DDX42: variants seen among roughly 807,000 people sequenced by gnomAD.
The protein encoded by DDX42 is ATP-dependent RNA helicase DDX42.
A neutral mutation model predicts 101.5 loss-of-function variants in DDX42; 22 were observed. That is an observed-to-expected ratio of 0.22 (90% CI 0.15 to 0.31). The LOEUF (loss-of-function observed/expected upper bound fraction) is 0.31. Among genes scored for constraint, DDX42 ranks in the 10% least tolerant of loss-of-function variants. The pLI, the probability that DDX42 is intolerant of heterozygous loss-of-function variation, is 1.00. For missense variants in DDX42, 849 were observed against 1,199.9 expected, an observed-to-expected ratio of 0.71 and a Z score of 4.32; for synonymous variants, 402 against 401.2, an observed-to-expected ratio of 1.00 and a Z score of -0.02.
intron 1 of DDX42, among the ~76,000 whole-genome samples, chr17:63,784,196 C>T (rs1224572281): frequency 6.6e-6 from 1 of 152,172 alleles, no homozygotes; most frequent in African/African-American, 2.4e-5. Flanking sequence ...TTTCTGATCT[C>T]TTCGACAATG....
chr17:63,809,511 C>T, intron 10 of DDX42, 49 bp from the exon 11 acceptor site: 8 of 1,493,784 alleles, frequency 5.4e-6, no homozygotes, highest in Non-Finnish European at 7.5e-6. Context: ...TAGAAAGTCC[C>T]TGTGAATGCC....
intron 1 of DDX42, among the ~76,000 whole-genome samples, chr17:63,782,203 A>T (rs1567728906): frequency 6.6e-6 from 1 of 151,860 alleles, no homozygotes; most frequent in Non-Finnish European, 1.5e-5. Context: ...GCTTGAACTC[A>T]GGAGGCGGAG....
At chr17:63,778,343 C>T (rs565995088) in intron 1 of DDX42, among the ~76,000 whole-genome samples, 47 of 152,352 alleles carry the variant, frequency 3.1e-4, no homozygotes, top group Non-Finnish European at 3.8e-4. Context: ...ATTCTTGGGA[C>T]AGTAGTCAGG....
intron 2 of DDX42, among the ~76,000 whole-genome samples, chr17:63,789,727 C>T (rs144084859): frequency 0.017 from 2,526 of 151,776 alleles, 65 homozygotes; most frequent in African/African-American, 0.059. Context: ...ACATGTGCCA[C>T]CACGCCTGGC....
In DDX42 at chr17:63,777,310, A is replaced by G. The variant is rs558267671; in HGVS notation, c.-17+2934A>G. On this transcript the variant is annotated intron_variant, in intron 1 of 17. Coordinates refer to ENST00000389924, the MANE Select transcript of DDX42 (RefSeq NM_203499.3). ...GTAGATCTCCTTTAGTCTTTTACATATTGAATAAATGAGTATCTAATATTG... is the reference window on the plus strand; with the variant it reads ...GTAGATCTCCTTTAGTCTTTTACATGTTGAATAAATGAGTATCTAATATTG... Among the ~76,000 whole-genome samples the G allele has an allele frequency of 6.0e-5, 9 of 151,114 alleles. No individual in the cohort carries two copies. In the East Asian group the frequency reaches 1.8e-3, roughly 30 times the overall value.
intron 2 of DDX42, among the ~76,000 whole-genome samples, chr17:63,789,771 C>T (rs1336864794): frequency 6.6e-6 from 1 of 151,684 alleles, no homozygotes; most frequent in African/African-American, 2.4e-5. Flanking sequence ...CAGGGATTCT[C>T]CGTGTTGGCC....
intron 14 of DDX42, among the ~76,000 whole-genome samples, chr17:63,812,746 C>T (rs929437833): frequency 2.0e-5 from 3 of 152,014 alleles, no homozygotes; most frequent in Middle Eastern, 3.2e-3. Context: ...AAGTCCCAGT[C>T]GGGCACGGTG....
chr17:63,803,634 G>A (rs530002135), intron 6 of DDX42, among the ~76,000 whole-genome samples: 13 of 148,232 alleles, frequency 8.8e-5, no homozygotes, highest in Admixed American at 2.7e-4. Flanking sequence ...TTTCAACTAC[G>A]TATTTTTCCT....
chr17:63,819,166 G>C lies in DDX42; in HGVS notation c.*768G>C, dbSNP rs562325748. The C allele has an allele frequency of 6.6e-6, 1 of 152,618 alleles. No individual in the cohort carries two copies. The highest frequency in any genetic ancestry group is 2.4e-5 in the African/African-American group (1 of 41,512). 9.5% of individuals were successfully genotyped at this position (152,618 alleles called of 1,614,324 possible). A position where few individuals can be genotyped will look rare whatever the true frequency, so the allele number is the denominator to read the frequency against. On this transcript the variant is annotated 3_prime_UTR_variant, in exon 18 of 18. Coordinates refer to ENST00000389924, the MANE Select transcript of DDX42 (RefSeq NM_203499.3). ...TTTAACTTGCCCCAATGATAGAAAA[G>C]TCTTTTGCTGAAATGATTTTGATGA...
chr17:63,776,705 A>G (rs2039425693), intron 1 of DDX42, among the ~76,000 whole-genome samples: 2 of 150,660 alleles, frequency 1.3e-5, no homozygotes, highest in South Asian at 4.2e-4. Flanking sequence ...AGCTCAAGTA[A>G]TCCGCCTGCC....
At chr17:63,806,447 A>C in intron 7 of DDX42, 88 bp from the exon 8 acceptor site, 1 of 1,393,732 alleles carries the variant, frequency 7.2e-7, no homozygotes, top group Non-Finnish European at 9.5e-7. Flanking sequence ...CTCCAGCTAA[A>C]ATGCTAGATC....
intron 1 of DDX42, among the ~76,000 whole-genome samples, chr17:63,786,639 GTGGAGGT>G (rs2039550537): frequency 6.6e-6 from 1 of 152,014 alleles, no homozygotes; most frequent in Non-Finnish European, 1.5e-5. Flanking sequence ...AAAATTTTAG[GTGGAGGT>G]TGGAAGAGAC....
rs2039751140 is a variant in DDX42, at chr17:63,800,618, G to T, written c.621+1G>T. ...TCTTCCCCCCATTGATCATTCAGAGGTATGGTGTTTCTTGCTGAATTTTAC... is the reference window on the plus strand; with the variant it reads ...TCTTCCCCCCATTGATCATTCAGAGTTATGGTGTTTCTTGCTGAATTTTAC... On this transcript the variant is annotated splice_donor_variant, in intron 6 of 17. Transcript: ENST00000389924. LOFTEE classifies it high-confidence loss of function. 1 of 1,611,686 alleles carries T rather than the reference G, an allele frequency of 6.2e-7. No individual in the cohort carries two copies. Among genetic ancestry groups the T allele is most frequent in the Admixed American group, 1.7e-5 (1 of 59,386 alleles).
intron 2 of DDX42, among the ~76,000 whole-genome samples, chr17:63,791,589 G>A (rs28461876): frequency 0.015 from 2,332 of 152,278 alleles, 61 homozygotes; most frequent in African/African-American, 0.053. Context: ...GGGATTAGAG[G>A]TGTGAGCCAC....
rs28611775 is a variant in DDX42 at position 63,786,965 on chromosome 17, C to T, written c.-16-69C>T. ...TGCTGGGATTACAGGCGTGACCCAC[C>T]GCGCCCGGCCCTTGGGGCTATACAC... On this transcript the variant is annotated intron_variant, in intron 1 of 17. Coordinates refer to ENST00000389924, the MANE Select transcript of DDX42 (RefSeq NM_203499.3). 4,711 of 1,529,432 alleles carry T rather than the reference C, an allele frequency of 3.1e-3. 112 individuals are homozygous for T. In the African/African-American group the frequency reaches 0.054, roughly 18 times the overall value. The allele number at this position is 1,529,432 out of a possible 1,614,324, so 94.7% of individuals were successfully genotyped here. A position where few individuals can be genotyped will look rare whatever the true frequency, so the allele number is the denominator to read the frequency against.
At chr17:63,806,923 C>T (rs1275499254) in intron 8 of DDX42, among the ~76,000 whole-genome samples, 1 of 152,174 alleles carries the variant, frequency 6.6e-6, no homozygotes, top group Non-Finnish European at 1.5e-5. Flanking sequence ...TTAGCACTGT[C>T]AATGACTAGA....
intron 7 of DDX42, chr17:63,805,586 C>A (rs2039828739): frequency 6.4e-6 from 1 of 156,980 alleles, no homozygotes. Flanking sequence ...TAAACTAATA[C>A]CTTTTAAAAA....
chr17:63,777,404 G>C (rs2039433618), intron 1 of DDX42, among the ~76,000 whole-genome samples: 1 of 151,934 alleles, frequency 6.6e-6, no homozygotes. Flanking sequence ...TACGGAGTTG[G>C]ACTGGAAAGG....
intron 1 of DDX42, among the ~76,000 whole-genome samples, chr17:63,785,894 G>T (rs780032501): frequency 3.3e-5 from 5 of 152,190 alleles, no homozygotes; most frequent in Non-Finnish European, 7.3e-5. Context: ...GATTCTTCCA[G>T]ATGTCATTAC....
Sources: allele counts gnomAD v4.1 joint callset (sites outside exome capture counted in the v4.1 genomes callset), GRCh38; gene constraint gnomAD v4.1.1; transcripts MANE v1.5; gene names NCBI Gene and HGNC (gene_info 2026-07-23, HGNC 2026-07-21).